The following TAB2 variants were observed in gnomAD, a reference collection of about 807,000 sequenced individuals.
TAB2 encodes the protein TGF-beta activated kinase 1 (MAP3K7) binding protein 2, also known as TGF-beta-activated kinase 1 and MAP3K7-binding protein 2.
Under a neutral mutation model 65.0 loss-of-function variants are expected in TAB2, and 3 were observed. That is an observed-to-expected ratio of 0.05 (90% CI 0.02 to 0.12). The LOEUF is 0.12. TAB2 is among the 10% of genes least tolerant of loss of function. The probability of loss-of-function intolerance (pLI) is 1.00; values close to 1 mark genes in which losing one functional copy is unlikely to be tolerated. For synonymous variants in TAB2, 298 were observed against 285.1 expected, an observed-to-expected ratio of 1.05 and a Z score of -0.46; for missense variants, 623 against 840.3, an observed-to-expected ratio of 0.74 and a Z score of 3.20.
intron 1 of TAB2, among the ~76,000 whole-genome samples, chr6:149,250,166 TC>T (rs1188661499): frequency 6.6e-6 from 1 of 152,210 alleles, no homozygotes; most frequent in African/African-American, 2.4e-5. Flanking sequence ...AGTATACAGA[TC>T]TTGAAACAGC....
rs943662227 is a variant in TAB2 at position 149,356,176 on chromosome 6, A to G, written c.-89-13733A>G. Among the ~76,000 whole-genome samples the G allele has an allele frequency of 3.3e-5, 5 of 152,320 alleles. No individual in the cohort carries two copies. The East Asian group carries it at 9.6e-4, about 29-fold the overall frequency. ...TCTAACTAAAGGTAATGGTAGTTCT[A>G]CTTTAGCACATAGAAATGTAGGAGA... On this transcript the variant is annotated intron_variant, in intron 1 of 6. Transcript: ENST00000637181.
intron 1 of TAB2, among the ~76,000 whole-genome samples, chr6:149,344,969 C>T (rs1413207732): frequency 6.6e-6 from 1 of 152,124 alleles, no homozygotes; most frequent in Non-Finnish European, 1.5e-5. Context: ...GTCTTGTCCA[C>T]CTTTGTATAT....
intron 1 of TAB2, among the ~76,000 whole-genome samples, chr6:149,353,639 C>T (rs1307977310): frequency 1.3e-5 from 2 of 152,076 alleles, no homozygotes; most frequent in African/African-American, 4.8e-5. Context: ...AATATAAAGT[C>T]GTATTCTGAG....
intron 1 of TAB2, among the ~76,000 whole-genome samples, chr6:149,276,331 C>A (rs1237776163): frequency 6.6e-6 from 1 of 152,026 alleles, no homozygotes; most frequent in African/African-American, 2.4e-5. Context: ...TTGGTTTATA[C>A]CTCTATATAT....
intron 1 of TAB2, among the ~76,000 whole-genome samples, chr6:149,331,964 A>G (rs1345218197): frequency 1.3e-5 from 2 of 152,208 alleles, no homozygotes; most frequent in Non-Finnish European, 2.9e-5. Flanking sequence ...GTAATAGGAA[A>G]GGGTGAGAAC....
chr6:149,311,375 C>T (rs1290890380), intron 1 of TAB2, among the ~76,000 whole-genome samples: 2 of 152,220 alleles, frequency 1.3e-5, no homozygotes, highest in African/African-American at 2.4e-5. Context: ...CTCCTGTGAT[C>T]TTCTCCTCTC....
chr6:149,238,650 C>T (rs1777542898), intron 1 of TAB2, among the ~76,000 whole-genome samples: 1 of 152,198 alleles, frequency 6.6e-6, no homozygotes, highest in Non-Finnish European at 1.5e-5. Flanking sequence ...ACAGTTGCCA[C>T]ACCAACCATG....
At chr6:149,288,354 T>C (rs538391272) in intron 1 of TAB2, among the ~76,000 whole-genome samples, 11 of 152,274 alleles carry the variant, frequency 7.2e-5, no homozygotes, top group East Asian at 1.9e-4. Context: ...TCCTGCCCCA[T>C]TGTAGACTCT....
rs912159681 is a variant in TAB2, at chr6:149,319,722, T to C, written c.-90+1707T>C. Among the ~76,000 whole-genome samples, 4 of 152,256 alleles carry C rather than the reference T, an allele frequency of 2.6e-5. No individual in the cohort carries two copies. In the East Asian group the frequency reaches 5.8e-4, roughly 22 times the overall value. On this transcript the variant is annotated intron_variant, in intron 1 of 6. Transcript: ENST00000637181. ...AACTGAAAGTTGAATACGTCAATTA[T>C]AGATGAATAAGTTATCCCCTGAATA...
At chr6:149,254,364 G>A (rs1199356446) in intron 1 of TAB2, among the ~76,000 whole-genome samples, 4 of 152,150 alleles carry the variant, frequency 2.6e-5, no homozygotes, top group Non-Finnish European at 4.4e-5. Context: ...TTTGGTGCAT[G>A]TCTTTATGGT....
chr6:149,241,734 T>C (rs1336597333), intron 1 of TAB2, among the ~76,000 whole-genome samples: 1 of 152,218 alleles, frequency 6.6e-6, no homozygotes. Flanking sequence ...GATGAAATTG[T>C]GATTTTTATT....
intron 1 of TAB2, among the ~76,000 whole-genome samples, chr6:149,363,801 A>G (rs1486901003): frequency 1.3e-5 from 2 of 152,190 alleles, no homozygotes; most frequent in East Asian, 1.9e-4. Flanking sequence ...CGCTAGACCC[A>G]TATATCACAA....
chr6:149,252,500 T>C (rs1216613496), intron 1 of TAB2, among the ~76,000 whole-genome samples: 2 of 152,200 alleles, frequency 1.3e-5, no homozygotes, highest in South Asian at 2.1e-4. Flanking sequence ...TGGCCTATGG[T>C]AGATTGAGTC....
intron 1 of TAB2, among the ~76,000 whole-genome samples, chr6:149,307,003 C>T (rs1193199642): frequency 3.3e-5 from 5 of 152,178 alleles, no homozygotes; most frequent in South Asian, 2.1e-4. Context: ...GTTTTCTAAA[C>T]TTGGGACCTA....
At chr6:149,362,069 T>G (rs1240606761) in intron 1 of TAB2, among the ~76,000 whole-genome samples, 4 of 152,262 alleles carry the variant, frequency 2.6e-5, no homozygotes, top group Non-Finnish European at 1.5e-5. Flanking sequence ...TTCCCTCATC[T>G]TCCTGTCTTC....
In TAB2 at chr6:149,339,607, T is replaced by TG. The variant is rs1562422785; in HGVS notation, c.-90+21592_-90+21593insG. On this transcript the variant is annotated intron_variant, in intron 1 of 6. Transcript: ENST00000637181. ...CTTTTTTATTTATTTATTTATTTAT[T>TG]TTTTTTTTTTTTTGAGACGGAGTCT... Among the ~76,000 whole-genome samples, 4 of 101,312 alleles carry TG rather than the reference T, an allele frequency of 3.9e-5. No homozygotes were observed. In the East Asian group the frequency reaches 3.3e-3, roughly 83 times the overall value. The allele number at this position is 101,312 out of a possible 152,430, so 66.5% of individuals were successfully genotyped here.
At chr6:149,363,278 TA>T (rs1780914081) in intron 1 of TAB2, among the ~76,000 whole-genome samples, 1 of 152,098 alleles carries the variant, frequency 6.6e-6, no homozygotes, top group East Asian at 1.9e-4. Flanking sequence ...TAAATGGCAC[TA>T]AACCATTTAT....
intron 1 of TAB2, among the ~76,000 whole-genome samples, chr6:149,344,941 G>T (rs1025648404): frequency 2.0e-5 from 3 of 152,164 alleles, no homozygotes; most frequent in Non-Finnish European, 4.4e-5. Context: ...TATACTCTAG[G>T]CTCAGAGAAA....
chr6:149,249,764 T>C (rs1777822009), intron 1 of TAB2, among the ~76,000 whole-genome samples: 1 of 152,200 alleles, frequency 6.6e-6, no homozygotes, highest in African/African-American at 2.4e-5. Flanking sequence ...TCTTCCCTCA[T>C]TTACTGACAG....
Sources: gnomAD v4.1 joint callset for allele counts (sites outside exome capture counted in the v4.1 genomes callset) on GRCh38, gnomAD v4.1.1 for gene constraint, MANE v1.5 for transcripts, NCBI Gene and HGNC (gene_info 2026-07-23, HGNC 2026-07-21) for gene names.